The following ARHGEF18 variants were observed in gnomAD, a reference collection of about 807,000 sequenced individuals.
The protein encoded by ARHGEF18 is rho guanine nucleotide exchange factor 18.
Under a neutral mutation model 155.7 loss-of-function variants are expected in ARHGEF18, and 93 were observed. The ratio of observed to expected loss-of-function variants is 0.60; its 90% CI spans 0.50 to 0.71. The LOEUF is 0.71. Among genes scored for constraint, ARHGEF18 ranks in the 30% least tolerant of loss-of-function variants. The pLI is 0.00. For synonymous variants in ARHGEF18, 742 were observed against 753.1 expected, an observed-to-expected ratio of 0.99 and a Z score of 0.24; for missense variants, 1,593 against 1,816.1, an observed-to-expected ratio of 0.88 and a Z score of 2.23.
chr19:7,360,476 T>C (rs1324929485), intron 1 of ARHGEF18, among the ~76,000 whole-genome samples: 1 of 152,160 alleles, frequency 6.6e-6, no homozygotes, highest in Non-Finnish European at 1.5e-5. Context: ...CCTCAAGTGA[T>C]CCGCCTTCCT....
intron 3 of ARHGEF18, among the ~76,000 whole-genome samples, chr19:7,373,810 G>A (rs150415420): frequency 0.011 from 1,676 of 148,572 alleles, 33 homozygotes; most frequent in African/African-American, 0.039. Flanking sequence ...TAGATCCCTC[G>A]CATGTGCCGT....
In ARHGEF18 at chr19:7,467,352, C is replaced by T. The variant is rs1162763325; in HGVS notation, c.3148C>T (p.Arg1050Trp). ...GCGGCAACGCAACTTCGAGAAGCAG[C>T]GGGAGGAGCGCGCGGCCCTGGAGAA... ...QERQRNFEKQ[R>W]EERAALEKLQ... Residue 1050 changes from arginine (R) to tryptophan (W), a missense_variant, in exon 26 of 29, where the codon CGG becomes TGG. Arg to Trp is a moderately radical substitution (Grantham distance 101). Transcript: ENST00000668164. 2.6e-6 allele frequency: 4 copies of T among 1,536,156 alleles called. No homozygotes were observed. The highest frequency in any genetic ancestry group is 4.9e-5 in the East Asian group (2 of 40,924).
chr19:7,461,745 C>G (rs761422473), intron 20 of ARHGEF18, among the ~76,000 whole-genome samples: 22 of 152,130 alleles, frequency 1.4e-4, no homozygotes, highest in Non-Finnish European at 3.2e-4. Flanking sequence ...GCAGTCATAG[C>G]TCACTGCAGC....
At chr19:7,370,389 G>A (rs1169501298) in intron 2 of ARHGEF18, among the ~76,000 whole-genome samples, 8 of 151,562 alleles carry the variant, frequency 5.3e-5, no homozygotes, top group Non-Finnish European at 1.2e-4. Context: ...CCAGCTACTC[G>A]GGAGGCTGAG....
downstream of ARHGEF18, among the ~76,000 whole-genome samples, chr19:7,475,029 T>A (rs780630548): frequency 7.9e-5 from 12 of 151,652 alleles, no homozygotes; most frequent in Non-Finnish European, 1.6e-4. Context: ...AGCACAGGAG[T>A]TCAAGACCAG....
At chr19:7,403,396 C>G (rs1972119764) in intron 10 of ARHGEF18, among the ~76,000 whole-genome samples, 1 of 152,214 alleles carries the variant, frequency 6.6e-6, no homozygotes. Context: ...ACCCTACTTT[C>G]TGTCTCTAGA....
intron 2 of ARHGEF18, among the ~76,000 whole-genome samples, chr19:7,369,874 G>A (rs896429495): frequency 1.2e-4 from 18 of 152,094 alleles, no homozygotes; most frequent in African/African-American, 4.1e-4. Flanking sequence ...TCCAGCCCAG[G>A]AGACAGAGCG....
chr19:7,365,147 A>G (rs1274829868), intron 2 of ARHGEF18, among the ~76,000 whole-genome samples: 2 of 152,170 alleles, frequency 1.3e-5, no homozygotes, highest in East Asian at 3.9e-4. Context: ...GCCTGTAATC[A>G]CAGCACTTTG....
At chr19:7,351,291 C>G (rs573811450) in intron 1 of ARHGEF18, among the ~76,000 whole-genome samples, 2 of 150,634 alleles carry the variant, frequency 1.3e-5, no homozygotes, top group Non-Finnish European at 3.0e-5. Context: ...AGCAAGTCTG[C>G]TAGAGTGGAC....
intron 10 of ARHGEF18, among the ~76,000 whole-genome samples, chr19:7,410,809 CAA>C (rs58022667): frequency 0.025 from 2,081 of 82,292 alleles, 48 homozygotes; most frequent in African/African-American, 0.081. Flanking sequence ...GACTCCATCT[CAA>C]AAAAAAAAAA....
At chr19:7,391,906 T>C (rs1213010386) in intron 10 of ARHGEF18, among the ~76,000 whole-genome samples, 1 of 151,534 alleles carries the variant, frequency 6.6e-6, no homozygotes, top group Non-Finnish European at 1.5e-5. Flanking sequence ...CTAAGCTCCT[T>C]GCATCTCCTT....
chr19:7,369,688 T>C (rs1404027986), intron 2 of ARHGEF18, among the ~76,000 whole-genome samples: 1 of 151,936 alleles, frequency 6.6e-6, no homozygotes, highest in African/African-American at 2.4e-5. Context: ...TTCCAGCTAC[T>C]TGGGAGGCTG....
intron 15 of ARHGEF18, among the ~76,000 whole-genome samples, chr19:7,448,823 C>A (rs1457370809): frequency 1.3e-5 from 2 of 152,030 alleles, no homozygotes; most frequent in Non-Finnish European, 2.9e-5. Context: ...AAGGGAGACC[C>A]CACCTCCCAC....
At chr19:7,438,960 A>G (rs1387998215) in intron 10 of ARHGEF18, among the ~76,000 whole-genome samples, 1 of 149,532 alleles carries the variant, frequency 6.7e-6, no homozygotes, top group Non-Finnish European at 1.5e-5. Flanking sequence ...GCAACCTCCG[A>G]CTCCCGGGTT....
At chr19:7,366,430 T>C (rs1969889953) in intron 2 of ARHGEF18, among the ~76,000 whole-genome samples, 2 of 152,328 alleles carry the variant, frequency 1.3e-5, no homozygotes, top group East Asian at 1.9e-4. Context: ...TGCAGACTTC[T>C]GGATGTCCTG....
At chr19:7,475,546 C>CCA (rs529925732), downstream of ARHGEF18, among the ~76,000 whole-genome samples, 1 of 136,888 alleles carries the variant, frequency 7.3e-6, no homozygotes, top group African/African-American at 2.7e-5. Flanking sequence ...ACACACACAA[C>CCA]CACACACACA....
chr19:7,406,625 G>A (rs1488000924), intron 10 of ARHGEF18, among the ~76,000 whole-genome samples: 1 of 152,126 alleles, frequency 6.6e-6, no homozygotes, highest in Non-Finnish European at 1.5e-5. Flanking sequence ...CCTAGCTTAC[G>A]AGCTGACCTT....
chr19:7,423,517 T>C (rs569695991), intron 10 of ARHGEF18, among the ~76,000 whole-genome samples: 1 of 152,042 alleles, frequency 6.6e-6, no homozygotes, highest in East Asian at 1.9e-4. Flanking sequence ...CTGGCCAACA[T>C]AGTGAAAATC....
chr19:7,448,622 C>G (rs1219825066), intron 15 of ARHGEF18, among the ~76,000 whole-genome samples: 2 of 151,580 alleles, frequency 1.3e-5, no homozygotes, highest in Non-Finnish European at 2.9e-5. Context: ...GATCGCACCA[C>G]TGCACTCCAG....
Sources: allele counts gnomAD v4.1 joint callset (sites outside exome capture counted in the v4.1 genomes callset), GRCh38; gene constraint gnomAD v4.1.1; transcripts MANE v1.5; gene names NCBI Gene and HGNC (gene_info 2026-07-23, HGNC 2026-07-21).